SNX29: variants seen among roughly 807,000 people sequenced by gnomAD.
SNX29 encodes the protein sorting nexin-29.
In SNX29, 78 loss-of-function variants were observed where a neutral mutation model predicts 102.1. That is an observed-to-expected ratio of 0.76 (90% CI 0.64 to 0.92). SNX29 has a LOEUF of 0.92. Among genes scored for constraint, SNX29 ranks in the 40% least tolerant of loss-of-function variants. The probability of loss-of-function intolerance (pLI) is 0.00; values close to 1 mark genes in which losing one functional copy is unlikely to be tolerated. For synonymous variants in SNX29, 580 were observed against 414.5 expected (o/e 1.40, Z -4.85); for missense variants, 1,280 against 1,061.7 (o/e 1.21, Z -2.86).
chr16:12,425,354 C>T (rs371446931), intron 18 of SNX29, among the ~76,000 whole-genome samples: 2 of 151,564 alleles, frequency 1.3e-5, no homozygotes, highest in Non-Finnish European at 2.9e-5. Context: ...TCAACAGATG[C>T]CATAAGATCA....
At chr16:12,095,030 A>G (rs1814409742) in intron 11 of SNX29, 1 of 152,136 alleles carries the variant, frequency 6.6e-6, no homozygotes, top group Admixed American at 6.6e-5. Context: ...TGCAATGAAG[A>G]TGATGATTTA....
At position 12,129,703 on chromosome 16, in the gene SNX29, A is replaced by G. The variant is rs1431043988; in HGVS notation, c.1540A>G (p.Arg514Gly). 6.2e-7 allele frequency: 1 copy of G among 1,610,988 alleles called. No individual in the cohort carries two copies. The highest frequency in any genetic ancestry group is 8.5e-7 in the Non-Finnish European group (1 of 1,179,498). Residue 514 changes from arginine (R) to glycine (G), a missense_variant, in exon 13 of 21, where the codon AGG (arginine) becomes GGG (glycine). By Grantham distance (125) the Arg-to-Gly change is moderately radical (BLOSUM62 -2). Transcript: ENST00000566228. ...ALRQEVDTLK[R>G]KVAEQEERQG... ...CCGGCAAGAGGTGGACACCTTGAAAAGGAAGGTGGCTGAACAGGAGGAGCG... is the reference window on the plus strand; with the variant it reads ...CCGGCAAGAGGTGGACACCTTGAAAGGGAAGGTGGCTGAACAGGAGGAGCG...
intron 14 of SNX29, among the ~76,000 whole-genome samples, chr16:12,275,477 G>C (rs1244055578): frequency 2.0e-5 from 3 of 152,160 alleles, no homozygotes. Flanking sequence ...CCTTTCTTTT[G>C]CTTTCTAGTC....
chr16:12,563,882 T>C (rs1197809170), intron 20 of SNX29, among the ~76,000 whole-genome samples: 9 of 152,224 alleles, frequency 5.9e-5, no homozygotes, highest in Non-Finnish European at 1.2e-4. Flanking sequence ...TCTAGCCCCT[T>C]GGGCCTCTGC....
chr16:12,561,692 TCC>T (rs1199469156), intron 20 of SNX29, among the ~76,000 whole-genome samples: 2 of 152,106 alleles, frequency 1.3e-5, no homozygotes, highest in Admixed American at 1.3e-4. Flanking sequence ...GACCCCCTTT[TCC>T]CCAACTCCCC....
At chr16:12,538,203 TGTTCTGG>T (rs969078171) in intron 20 of SNX29, among the ~76,000 whole-genome samples, 3 of 152,094 alleles carry the variant, frequency 2.0e-5, no homozygotes, top group South Asian at 2.1e-4. Flanking sequence ...GCAAGCTCTG[TGTTCTGG>T]GTTCATGCCA....
chr16:12,440,403 C>T (rs535351079), intron 18 of SNX29, among the ~76,000 whole-genome samples: 4 of 152,330 alleles, frequency 2.6e-5, no homozygotes, highest in Admixed American at 2.0e-4. Context: ...AACCCTTCCC[C>T]TCCTAGCCCT....
chr16:12,355,136 C>G lies in SNX29; in HGVS notation c.1783-1027C>G, dbSNP rs778387910. Among the ~76,000 whole-genome samples the G allele has an allele frequency of 1.3e-5, 2 of 152,048 alleles. 1 individual carries two copies. Among genetic ancestry groups the G allele is most frequent in the African/African-American group, 4.8e-5 (2 of 41,398 alleles). ...CTTCTCTCACTGATGAAGGGGAGCT[C>G]AAATAAAAGTAGAAAGAATGAGAAG... On this transcript the variant is annotated intron_variant, in intron 15 of 20. Coordinates refer to ENST00000566228, the MANE Select transcript of SNX29 (RefSeq NM_032167.5).
At chr16:12,097,347 T>C (rs2052809257) in intron 11 of SNX29, among the ~76,000 whole-genome samples, 1 of 152,132 alleles carries the variant, frequency 6.6e-6, no homozygotes, top group South Asian at 2.1e-4. Context: ...AAGAATATGT[T>C]TTAGCTTCAC....
intron 19 of SNX29, among the ~76,000 whole-genome samples, chr16:12,488,420 G>C (rs2088361601): frequency 6.6e-6 from 1 of 151,518 alleles, no homozygotes; most frequent in African/African-American, 2.4e-5. Context: ...TTGCCTGATT[G>C]ACAGTTCTTC....
At chr16:12,221,062 T>G (rs1042135785) in intron 14 of SNX29, among the ~76,000 whole-genome samples, 1 of 152,210 alleles carries the variant, frequency 6.6e-6, no homozygotes, top group Non-Finnish European at 1.5e-5. Context: ...TTTAGCGCCC[T>G]GAATTGTTTG....
chr16:12,435,197 T>C (rs994564242), intron 18 of SNX29, among the ~76,000 whole-genome samples: 1 of 152,188 alleles, frequency 6.6e-6, no homozygotes, highest in African/African-American at 2.4e-5. Context: ...TCTCCTCCCG[T>C]TTCCCTCTAT....
intron 14 of SNX29, among the ~76,000 whole-genome samples, chr16:12,228,671 G>C (rs140162032): frequency 1.4e-4 from 21 of 152,316 alleles, no homozygotes; most frequent in African/African-American, 5.1e-4. Context: ...CTGGTGCGCA[G>C]CTCCCCAACC....
intron 20 of SNX29, among the ~76,000 whole-genome samples, chr16:12,530,371 C>T (rs575948456): frequency 6.6e-6 from 1 of 152,056 alleles, no homozygotes; most frequent in Admixed American, 6.6e-5. Context: ...TGATGAAGTT[C>T]TAGTGTGGAA....
rs191278844 is a variant in SNX29 at position 12,027,648 on chromosome 16, G to T, written c.247+204G>T. On this transcript the variant is annotated intron_variant, in intron 4 of 20. Transcript: ENST00000566228. ...TAATTTAAATGAAGTCATCTTTTGT[G>T]CAGAATTCTCAGAGCCACATGGTAC... The T allele has an allele frequency of 1.1e-4, 62 of 554,328 alleles. No individual in the cohort carries two copies. In the African/African-American group the frequency reaches 1.2e-3, roughly 10 times the overall value. The allele number at this position is 554,328 out of a possible 1,614,324, so 34.3% of individuals were successfully genotyped here.
At chr16:11,992,504 A>G (rs951532378) in intron 1 of SNX29, among the ~76,000 whole-genome samples, 3 of 145,296 alleles carry the variant, frequency 2.1e-5, no homozygotes, top group Non-Finnish European at 4.5e-5. Flanking sequence ...CCTGGCAACC[A>G]CCTGTCTGCC....
chr16:11,996,363 A>G (rs1015241173), intron 1 of SNX29, among the ~76,000 whole-genome samples: 4 of 152,266 alleles, frequency 2.6e-5, no homozygotes, highest in African/African-American at 9.6e-5. Context: ...AGCCCATGTG[A>G]TAGAGATCCT....
rs138848674 is a variant in SNX29 at position 12,138,438 on chromosome 16, C to T, written c.1595+8680C>T. Among the ~76,000 whole-genome samples, 1,227 of 152,118 alleles carry T rather than the reference C, an allele frequency of 8.1e-3. 16 individuals carry two copies. The highest frequency in any genetic ancestry group is 0.028 in the African/African-American group (1,168 of 41,504). Reference sequence around the variant, plus strand: ...GTCTAGGCTGGTCTCGAACTCCTGACCTCAAGTAATCTGCCTGCCTTGGCC... The same window carrying T: ...GTCTAGGCTGGTCTCGAACTCCTGATCTCAAGTAATCTGCCTGCCTTGGCC... On this transcript the variant is annotated intron_variant, in intron 13 of 20. Transcript: ENST00000566228.
chr16:12,394,872 G>A (rs796327414), intron 16 of SNX29, among the ~76,000 whole-genome samples: 4 of 152,330 alleles, frequency 2.6e-5, no homozygotes, highest in African/African-American at 9.6e-5. Context: ...CCCACCTGCT[G>A]TGGAAGAGCT....
Sources: allele counts gnomAD v4.1 joint callset (sites outside exome capture counted in the v4.1 genomes callset), GRCh38; gene constraint gnomAD v4.1.1; transcripts MANE v1.5; gene names NCBI Gene and HGNC (gene_info 2026-07-23, HGNC 2026-07-21).